NPHP3: variants seen among roughly 807,000 people sequenced by gnomAD.
The protein encoded by NPHP3 is nephrocystin 3, also known as nephrocystin-3.
NPHP3 carries 123 observed loss-of-function variants against 171.9 expected under a neutral mutation model. That is an observed-to-expected ratio of 0.72 (90% confidence interval 0.62 to 0.83). The LOEUF (loss-of-function observed/expected upper bound fraction) is 0.83, where lower values mean the gene tolerates loss of function less well. NPHP3 is among the 40% of genes least tolerant of loss of function. NPHP3 has a pLI of 0.00. For missense variants in NPHP3, 1,506 were observed against 1,591.9 expected, an observed-to-expected ratio of 0.95 and a Z score of 0.92; for synonymous variants, 558 against 579.2, an observed-to-expected ratio of 0.96 and a Z score of 0.52.
chr3:132,706,612 A>C (rs761808800), intron 7 of NPHP3, among the ~76,000 whole-genome samples: 38 of 152,120 alleles, frequency 2.5e-4, no homozygotes, highest in African/African-American at 7.5e-4. Context: ...ACTACTACTA[A>C]TATTTGATAC....
At chr3:132,709,248 T>C (rs1400650954) in intron 6 of NPHP3, among the ~76,000 whole-genome samples, 1 of 146,000 alleles carries the variant, frequency 6.8e-6, no homozygotes, top group South Asian at 2.3e-4. Flanking sequence ...GTCTTCTCTC[T>C]CCCTCCCTTC....
chr3:132,705,531 C>G (rs1939724861), intron 8 of NPHP3: 4 of 419,966 alleles, frequency 9.5e-6, no homozygotes, highest in Non-Finnish European at 1.8e-5. Flanking sequence ...AAATAGTCCT[C>G]TGAGATAGAT....
rs1939730997 is a variant in NPHP3 at position 132,705,767 on chromosome 3, A to G, written c.1323T>C (p.Tyr441=). 9 of 1,481,532 alleles carry G rather than the reference A, an allele frequency of 6.1e-6. No homozygotes were observed. The highest frequency in any genetic ancestry group is 2.3e-5 in the South Asian group (2 of 87,712). The allele number at this position is 1,481,532 out of a possible 1,614,324, so 91.8% of individuals were successfully genotyped here. The part of the protein sequence containing the change: ...GDPAEGVYKT[Y]ICVEKIIKQD... ...GTTTAATAATCTTTTCTACACAAAT[A>G]TAAGTTTTATATACTCCTTCTGCAG... Residue 441 remains tyrosine, a synonymous_variant, in exon 8 of 27, where the codon TAT becomes TAC. Transcript: ENST00000337331.
chr3:132,699,951 G>A lies in NPHP3; in HGVS notation c.1854C>T (p.Ile618=). 6.2e-7 allele frequency: 1 copy of A among 1,614,154 alleles called. No individual in the cohort carries two copies. Among genetic ancestry groups the A allele is most frequent in the South Asian group, 1.1e-5 (1 of 91,086 alleles). ...GATCTATAGAATCAATAACGATGAT[G>A]ATGCTGCCTTGATGACGAGCAGAGA... is the stretch of plus-strand genomic sequence containing the variant. ...EKLSARHQGS[I]IIVIDSIDQV... The change falls in exon 12 of 27, where the codon ATC becomes ATT. Residue 618 remains isoleucine, a synonymous_variant. Coordinates refer to ENST00000337331, the MANE Select transcript of NPHP3 (RefSeq NM_153240.5).
In NPHP3 at chr3:132,719,175, CT is replaced by C. The variant is rs1940136231; in HGVS notation, c.520-32del. On this transcript the variant is annotated intron_variant, in intron 2 of 26. Transcript: ENST00000337331. ...AAAAGAATAATTTTAATGTTGAAAG[CT>C]TTTTCATAATCAAAAAGTTGTGTCA... 1.9e-6 allele frequency: 3 copies of C among 1,540,104 alleles called. No individual in the cohort carries two copies. In the South Asian group the frequency reaches 3.5e-5, roughly 18 times the overall value.
rs1939685207 is a variant in NPHP3 at position 132,704,098 on chromosome 3, T to C, written c.1524+100A>G. The C allele has an allele frequency of 4.2e-6, 5 of 1,186,020 alleles. No homozygotes were observed. The South Asian group carries it at 6.2e-5, about 15-fold the overall frequency. The allele number at this position is 1,186,020 out of a possible 1,614,324, so 73.5% of individuals were successfully genotyped here. On this transcript the variant is annotated intron_variant, in intron 9 of 26. Transcript: ENST00000337331. ...TCAAGCCATGAGATTAGACAACTAA[T>C]ATAATCATAAACCTTAACTATATTT...
chr3:132,688,870 A>T lies in NPHP3; in HGVS notation c.2905T>A (p.Ser969Thr), dbSNP rs762539833. ...LSQAIVPLQR[S>T]LEIRETALDP... is the part of the protein sequence containing the mutation. ...AAAGCTGTTTCTCGAATCTCTAAAG[A>T]CCTCTGCAAAGGTACTATGGCCTGG... Residue 969 changes from serine (S) to threonine (T), a missense_variant, in exon 21 of 27, where the codon TCT becomes ACT. Coordinates refer to ENST00000337331, the MANE Select transcript of NPHP3 (RefSeq NM_153240.5). 3 of 1,613,958 alleles carry T rather than the reference A, an allele frequency of 1.9e-6. No individual in the cohort carries two copies. Among genetic ancestry groups the T allele is most frequent in the Admixed American group, 1.7e-5 (1 of 59,970 alleles).
chr3:132,712,480 G>A (rs1560013811), intron 6 of NPHP3: 2 of 456,756 alleles, frequency 4.4e-6, no homozygotes, highest in Non-Finnish European at 8.8e-6. Flanking sequence ...GAAAATACAC[G>A]AATGGGCCAG....
At position 132,708,127 on chromosome 3, in the gene NPHP3, T is replaced by A; in HGVS notation, c.1249A>T (p.Asn417Tyr). 1 of 1,614,234 alleles carries A rather than the reference T, an allele frequency of 6.2e-7. No individual in the cohort carries two copies. Among genetic ancestry groups the A allele is most frequent in the Non-Finnish European group, 8.5e-7 (1 of 1,180,044 alleles). ...SVQQLIDQVSNLNKTSKAKII... is the reference protein window; with the variant it reads ...SVQQLIDQVSYLNKTSKAKII... ...TTGGCTTTGCTGGTCTTGTTTAGATTAGAAACTTGATCAATCAATTGCTGG... is the reference window on the plus strand; with the variant it reads ...TTGGCTTTGCTGGTCTTGTTTAGATAAGAAACTTGATCAATCAATTGCTGG... Residue 417 changes from asparagine to tyrosine, a missense_variant, in exon 7 of 27, where the codon AAT (asparagine) becomes TAT (tyrosine). By Grantham distance (143) the Asn-to-Tyr change is moderately radical. Around this residue, in one of 3 missense-constraint regions of NPHP3, gnomAD observed 930 missense variants for 924.9 expected, o/e 1.01. Transcript: ENST00000337331.
rs753749299 is a variant in NPHP3 at position 132,708,195 on chromosome 3, A to T, written c.1181T>A (p.Ile394Asn). 1.9e-6 allele frequency: 3 copies of T among 1,614,030 alleles called. No homozygotes were observed. The highest frequency in any genetic ancestry group is 1.7e-5 in the Admixed American group (1 of 60,022). The change falls in exon 7 of 27, where the codon ATC becomes AAC. Residue 394 changes from isoleucine to asparagine, a missense_variant. By Grantham distance (149) the Ile-to-Asn change is moderately radical. Coordinates refer to ENST00000337331, the MANE Select transcript of NPHP3 (RefSeq NM_153240.5). ...LKNPEGKPRL[I>N]FHRLEDGKVS... ...TTTTCCATCTTCCAAACGATGAAAG[A>T]TTAATCGAGGTTTTCCTTCAGGGTT...
chr3:132,722,043 T>G lies in NPHP3; in HGVS notation c.313A>C (p.Lys105Gln). The G allele has an allele frequency of 6.2e-7, 1 of 1,613,196 alleles. No homozygotes were observed. The highest frequency in any genetic ancestry group is 1.1e-5 in the South Asian group (1 of 91,086). Residue 105 changes from lysine to glutamine, a missense_variant, in exon 1 of 27, where the codon AAG (lysine) becomes CAG (glutamine). Physicochemically the swap from Lys to Gln is moderately conservative, Grantham distance 53. Around this residue, in one of 3 missense-constraint regions of NPHP3, gnomAD observed 930 missense variants for 924.9 expected, o/e 1.01. Coordinates refer to ENST00000337331, the MANE Select transcript of NPHP3 (RefSeq NM_153240.5). ...RKEYEIFRVS[K>Q]NQELLSMGRR... is the part of the protein sequence containing the mutation. ...CCCATGGACAACAACTCCTGGTTCT[T>G]GCTGACGCGAAAGATCTCGTACTCC...
chr3:132,694,881 C>A lies in NPHP3; in HGVS notation c.2256G>T (p.Leu752=). The A allele has an allele frequency of 1.2e-6, 2 of 1,613,558 alleles. No homozygotes were observed. The highest frequency in any genetic ancestry group is 1.7e-6 in the Non-Finnish European group (2 of 1,179,784). The change falls in exon 16 of 27, where the codon CTG becomes CTT. Residue 752 remains leucine (L), a synonymous_variant. Transcript: ENST00000337331. The stretch of plus-strand genomic sequence containing the variant: ...TTGCCATGGACTCCCGGATAGAGTG[C>A]AGAACAAGTCTATATAATGAAAGAG... ...QDTLSLYRLV[L]HSIRESMAND...
At chr3:132,701,887 G>A (rs910979277) in intron 9 of NPHP3, among the ~76,000 whole-genome samples, 3 of 152,238 alleles carry the variant, frequency 2.0e-5, no homozygotes, top group East Asian at 1.9e-4. Context: ...TTAGCCGAGC[G>A]TGGTGGCGGG....
chr3:132,701,132 T>A (rs1939595685), intron 10 of NPHP3, among the ~76,000 whole-genome samples: 1 of 152,224 alleles, frequency 6.6e-6, no homozygotes, highest in South Asian at 2.1e-4. Context: ...TAATAACATG[T>A]GTTATATGAC....
exon 1 of NPHP3, chr3:132,722,397 TGGGCAGCGGAACGGAACGGGACGGGGTG>T: frequency 6.5e-7 from 1 of 1,533,864 alleles, no homozygotes; most frequent in Admixed American, 1.9e-5. Flanking sequence ...CCAGCAGGAC[TGGGCAGCGGAACGGAACGGGACGGGGTG>T]GGGCAGAGGA....
intron 16 of NPHP3, among the ~76,000 whole-genome samples, chr3:132,694,462 A>G (rs984647384): frequency 1.3e-5 from 2 of 152,032 alleles, no homozygotes; most frequent in African/African-American, 4.8e-5. Context: ...CAGTTAAAAG[A>G]CAAGAAACAA....
At chr3:132,718,866 T>C (rs541300693) in intron 3 of NPHP3, 128 bp downstream of exon 3, 2 of 900,066 alleles carry the variant, frequency 2.2e-6, no homozygotes, top group Non-Finnish European at 3.6e-6. Context: ...ACGACACTAT[T>C]TGCAACAGTA....
chr3:132,681,847 A>G lies in NPHP3; in HGVS notation c.*63T>C. 6.9e-7 allele frequency: 1 copy of G among 1,443,098 alleles called. No homozygotes were observed. Among genetic ancestry groups the G allele is most frequent in the East Asian group, 2.3e-5 (1 of 43,978 alleles). 89.4% of individuals were successfully genotyped at this position (1,443,098 alleles called of 1,614,324 possible). A position where few individuals can be genotyped will look rare whatever the true frequency, so the allele number is the denominator to read the frequency against. ...CATTTTTTTAAAGTTTCAAATTCAA[A>G]TGTTCCAAATGTTTAATTATTTTGT... is the stretch of plus-strand genomic sequence containing the variant. On this transcript the variant is annotated 3_prime_UTR_variant, in exon 27 of 27. Transcript: ENST00000337331.
chr3:132,685,256 G>C (rs1455775590), intron 23 of NPHP3: 10 of 168,708 alleles, frequency 5.9e-5, no homozygotes, highest in African/African-American at 2.4e-4. Context: ...TGGGTCTACA[G>C]GTGTGTACCA....
Sources: allele counts gnomAD v4.1 joint callset (sites outside exome capture counted in the v4.1 genomes callset), GRCh38; gene constraint gnomAD v4.1.1; regional missense constraint gnomAD v4.1.1; transcripts MANE v1.5; gene names NCBI Gene and HGNC (gene_info 2026-07-23, HGNC 2026-07-21).